The following TNFAIP8 variants were observed in gnomAD, a reference collection of about 807,000 sequenced individuals.
TNFAIP8 encodes TNF alpha induced protein 8.
TNFAIP8 carries 7 observed loss-of-function variants against 13.3 expected under a neutral mutation model. That is an observed-to-expected ratio of 0.52 (90% CI 0.30 to 0.99). TNFAIP8 has a LOEUF of 0.99. Ranked by LOEUF, TNFAIP8 falls within the 50% of genes least tolerant of loss-of-function variation. The pLI is 0.07. For synonymous variants in TNFAIP8, 94 were observed against 87.6 expected (o/e 1.07, Z -0.41); for missense variants, 258 against 236.9 (o/e 1.09, Z -0.58).
rs201840428 is a variant in TNFAIP8, at chr5:119,274,189, G to GA, written c.1+5290dup. On this transcript the variant is annotated intron_variant, in intron 1 of 1. Transcript: ENST00000274456. ...CAGACCCTCACACACATGCAGACAC[G>GA]AAAAAAAATGCCAGTCTTCTGAGAA... 2.8e-3 allele frequency among the ~76,000 whole-genome samples: 418 copies of GA among 151,632 alleles called. 1 individual carries two copies. The highest frequency in any genetic ancestry group is 9.6e-3 in the African/African-American group (395 of 41,316).
At position 119,379,862 on chromosome 5, in the gene TNFAIP8, G is replaced by A. The variant is rs151245394; in HGVS notation, c.32-12954G>A. On this transcript the variant is annotated intron_variant, in intron 1 of 1. Coordinates refer to ENST00000504771, the MANE Select transcript of TNFAIP8 (RefSeq NM_014350.4). ...CCCACCTCAGCCTCCCAAAGTGCTG[G>A]GATTATAGGCATGAGCCACTGTGGC... Among the ~76,000 whole-genome samples the A allele has an allele frequency of 6.5e-3, 987 of 152,060 alleles. 12 individuals are homozygous for A. The highest frequency in any genetic ancestry group is 0.023 in the African/African-American group (969 of 41,456).
intron 1 of TNFAIP8, among the ~76,000 whole-genome samples, chr5:119,346,628 A>C (rs528235958): frequency 6.6e-6 from 1 of 152,332 alleles, no homozygotes; most frequent in South Asian, 2.1e-4. Flanking sequence ...GCCTTTTATC[A>C]CAGCAACCAC....
rs191776846 is a variant in TNFAIP8, at chr5:119,394,163, T to G, written c.*782T>G. ...TTCCATTTTTTACATCCATTTCACA[T>G]GTAAGAGACAAAAAAGTCTAGATTG... On this transcript the variant is annotated 3_prime_UTR_variant, in exon 2 of 2. Transcript: ENST00000504771. 3.9e-5 allele frequency: 6 copies of G among 152,268 alleles called. No homozygotes were observed. Among genetic ancestry groups the G allele is most frequent in the Middle Eastern group, 3.4e-3 (1 of 294 alleles). 9.4% of individuals were successfully genotyped at this position (152,268 alleles called of 1,614,324 possible). A position where few individuals can be genotyped will look rare whatever the true frequency, so the allele number is the denominator to read the frequency against.
chr5:119,325,725 G>A (rs1351844385), intron 1 of TNFAIP8, among the ~76,000 whole-genome samples: 1 of 152,116 alleles, frequency 6.6e-6, no homozygotes, highest in African/African-American at 2.4e-5. Context: ...TGGGATTACA[G>A]GCGTGAGCCA....
At position 119,333,793 on chromosome 5, in the gene TNFAIP8, T is replaced by C. The variant is rs371058002; in HGVS notation, c.2-59023T>C. ...CAACAAATCACTGTTTTGTTTTGTT[T>C]TGCTATGGCTCTGGGTGTGGGGAAC... On this transcript the variant is annotated intron_variant, in intron 1 of 1. Transcript: ENST00000274456. Among the ~76,000 whole-genome samples, 158 of 152,338 alleles carry C rather than the reference T, an allele frequency of 1.0e-3. 1 individual carries two copies. Among genetic ancestry groups the C allele is most frequent in the African/African-American group, 3.6e-3 (148 of 41,584 alleles).
At chr5:119,345,814 C>A (rs1008670469) in intron 1 of TNFAIP8, among the ~76,000 whole-genome samples, 2 of 152,124 alleles carry the variant, frequency 1.3e-5, no homozygotes, top group East Asian at 3.8e-4. Context: ...TGTGAATGTA[C>A]TTAATTCTCC....
intron 1 of TNFAIP8, among the ~76,000 whole-genome samples, chr5:119,280,674 C>T (rs1748600942): frequency 6.6e-6 from 1 of 152,174 alleles, no homozygotes; most frequent in South Asian, 2.1e-4. Flanking sequence ...GTGTCTCGAT[C>T]TGTTAATTCA....
intron 1 of TNFAIP8, among the ~76,000 whole-genome samples, chr5:119,300,455 A>T (rs900145723): frequency 6.6e-5 from 10 of 152,244 alleles, no homozygotes; most frequent in African/African-American, 2.2e-4. Context: ...TGTTATTTGT[A>T]AAAGCACTGA....
rs188315504 is a variant in TNFAIP8, at chr5:119,316,475, A to G, written c.1+47568A>G. On this transcript the variant is annotated intron_variant, in intron 1 of 1. Coordinates refer to the TNFAIP8 transcript ENST00000274456. ...CACCTGGCCTTCTCCACTTCTTTCT[A>G]TGTCCCCTAATCATGTTGATTCTGG... Among the ~76,000 whole-genome samples, 64 of 152,228 alleles carry G rather than the reference A, an allele frequency of 4.2e-4. No homozygotes were observed. In the East Asian group the frequency reaches 0.011, roughly 26 times the overall value.
chr5:119,365,554 G>T (rs1751818210), intron 1 of TNFAIP8, among the ~76,000 whole-genome samples: 1 of 152,168 alleles, frequency 6.6e-6, no homozygotes, highest in African/African-American at 2.4e-5. Flanking sequence ...CCCTGCCCAG[G>T]CCTGCCTCTT....
intron 1 of TNFAIP8, among the ~76,000 whole-genome samples, chr5:119,335,817 G>A (rs1273087666): frequency 1.3e-5 from 2 of 151,806 alleles, no homozygotes; most frequent in Non-Finnish European, 2.9e-5. Context: ...AATAAGTGGA[G>A]AACCGAGTGC....
At chr5:119,340,476 G>A (rs1750699721) in intron 1 of TNFAIP8, among the ~76,000 whole-genome samples, 1 of 152,190 alleles carries the variant, frequency 6.6e-6, no homozygotes, top group Non-Finnish European at 1.5e-5. Flanking sequence ...TGGAGGTCCT[G>A]GAGATTTAAT....
chr5:119,392,813 TAGTGG>T lies in TNFAIP8; in HGVS notation c.32-2_34del. 6.7e-7 allele frequency: 1 copy of T among 1,501,760 alleles called. No individual in the cohort carries two copies. The highest frequency in any genetic ancestry group is 8.9e-7 in the Non-Finnish European group (1 of 1,126,838). 93.0% of individuals were successfully genotyped at this position (1,501,760 alleles called of 1,614,324 possible). On this transcript the variant is annotated splice_acceptor_variant and coding_sequence_variant, in exon 2 of 2. Transcript: ENST00000504771. LOFTEE classifies it high-confidence loss of function. ...TTCTTTTCCTCTCTTTTTTTTTTTT[TAGTGG>T]CCACAGATGTCTTTAATTCCAAAAA...
intron 1 of TNFAIP8, among the ~76,000 whole-genome samples, chr5:119,303,311 A>G (rs894246368): frequency 1.3e-5 from 2 of 152,216 alleles, no homozygotes; most frequent in Non-Finnish European, 2.9e-5. Flanking sequence ...TTTGGAAGTC[A>G]GAGGCTTGGG....
chr5:119,303,573 A>T (rs572888602), intron 1 of TNFAIP8, among the ~76,000 whole-genome samples: 1 of 152,284 alleles, frequency 6.6e-6, no homozygotes, highest in African/African-American at 2.4e-5. Context: ...GGTGTAGTAG[A>T]TCCAAAAAGA....
chr5:119,298,042 G>C (rs1049251338), intron 1 of TNFAIP8, among the ~76,000 whole-genome samples: 22 of 152,100 alleles, frequency 1.4e-4, no homozygotes, highest in Non-Finnish European at 1.5e-4. Context: ...CACACTGATG[G>C]GTCTTGACTC....
chr5:119,351,795 TC>T (rs200264684), upstream of TNFAIP8, among the ~76,000 whole-genome samples: 1,262 of 132,636 alleles, frequency 9.5e-3, 43 homozygotes, highest in African/African-American at 0.016. Flanking sequence ...TTTCTTTTTT[TC>T]TTTTTTTTTT....
At chr5:119,367,280 G>C (rs375651297) in intron 1 of TNFAIP8, among the ~76,000 whole-genome samples, 2 of 149,980 alleles carry the variant, frequency 1.3e-5, no homozygotes, top group Non-Finnish European at 3.0e-5. Context: ...ATTAAGCAAA[G>C]AAAGGAATAA....
At chr5:119,322,568 C>G (rs938671811) in intron 1 of TNFAIP8, among the ~76,000 whole-genome samples, 2 of 152,230 alleles carry the variant, frequency 1.3e-5, no homozygotes, top group African/African-American at 4.8e-5. Context: ...CTCTTCCTGA[C>G]CATTCCAAAC....
Sources: allele counts gnomAD v4.1 joint callset (sites outside exome capture counted in the v4.1 genomes callset), GRCh38; gene constraint gnomAD v4.1.1; transcripts MANE v1.5; gene names NCBI Gene and HGNC (gene_info 2026-07-23, HGNC 2026-07-21).